Variants in BABAM2 observed in about 807,000 individuals in gnomAD.
The protein encoded by BABAM2 is BRISC and BRCA1 A complex member 2.
Under a neutral mutation model 54.7 loss-of-function variants are expected in BABAM2, and 31 were observed. The observed-to-expected ratio is 0.57, with a 90% CI of 0.43 to 0.77. The LOEUF (loss-of-function observed/expected upper bound fraction) is 0.77. Among genes scored for constraint, BABAM2 ranks in the 30% least tolerant of loss-of-function variants. The pLI is 0.00. For synonymous variants in BABAM2, 167 were observed against 162.9 expected, an observed-to-expected ratio of 1.03 and a Z score of -0.19; for missense variants, 364 against 455.8, an observed-to-expected ratio of 0.80 and a Z score of 1.83.
chr2:28,218,306 A>G (rs1172292777), intron 7 of BABAM2, among the ~76,000 whole-genome samples: 2 of 152,206 alleles, frequency 1.3e-5, no homozygotes, highest in African/African-American at 4.8e-5. Flanking sequence ...TCCACAGTCC[A>G]TATTCTAATT....
chr2:28,114,717 C>CA (rs1457918652), intron 6 of BABAM2, among the ~76,000 whole-genome samples: 1 of 152,100 alleles, frequency 6.6e-6, no homozygotes, highest in Non-Finnish European at 1.5e-5. Flanking sequence ...TTAGACATGG[C>CA]AAAAAGATTG....
chr2:28,100,461 CCAAAAAAAAAA>C (rs1214079638), intron 6 of BABAM2, among the ~76,000 whole-genome samples: 1 of 43,876 alleles, frequency 2.3e-5, no homozygotes, highest in Non-Finnish European at 5.1e-5. Context: ...GACTCTGTCT[CCAAAAAAAAAA>C]AAAAAAAAAA....
chr2:28,229,298 G>A (rs570914952), intron 7 of BABAM2, among the ~76,000 whole-genome samples: 5 of 152,304 alleles, frequency 3.3e-5, no homozygotes, highest in African/African-American at 1.2e-4. Context: ...ACCTTAGAGA[G>A]GTTCTATAGC....
At chr2:27,986,723 A>ACATTTTATCTAT (rs1672422974) in intron 3 of BABAM2, among the ~76,000 whole-genome samples, 1 of 152,346 alleles carries the variant, frequency 6.6e-6, no homozygotes, top group East Asian at 1.9e-4. Context: ...ACATTTGGAT[A>ACATTTTATCTAT]AAATTTTATA....
intron 4 of BABAM2, among the ~76,000 whole-genome samples, chr2:28,024,132 C>T (rs1341359406): frequency 1.3e-5 from 2 of 152,126 alleles, no homozygotes; most frequent in South Asian, 2.1e-4. Flanking sequence ...TGGCCGGGCA[C>T]GGTGGCTCAC....
intron 6 of BABAM2, among the ~76,000 whole-genome samples, chr2:28,125,316 C>CA (rs1669419815): frequency 6.6e-6 from 1 of 151,648 alleles, no homozygotes; most frequent in East Asian, 1.9e-4. Flanking sequence ...TTTTTTGAGA[C>CA]AGAGTCTCAC....
intron 7 of BABAM2, among the ~76,000 whole-genome samples, chr2:28,155,430 G>T (rs1042537297): frequency 1.3e-5 from 2 of 152,148 alleles, no homozygotes; most frequent in African/African-American, 4.8e-5. Flanking sequence ...TTGATCGATA[G>T]AGAGGGGTCA....
At chr2:28,197,295 C>A (rs1188185992) in intron 7 of BABAM2, among the ~76,000 whole-genome samples, 1 of 152,152 alleles carries the variant, frequency 6.6e-6, no homozygotes, top group African/African-American at 2.4e-5. Flanking sequence ...ATATCCTGAC[C>A]AATTTCTCTA....
intron 6 of BABAM2, among the ~76,000 whole-genome samples, chr2:28,108,609 A>G (rs1667729631): frequency 6.6e-6 from 1 of 152,212 alleles, no homozygotes; most frequent in South Asian, 2.1e-4. Flanking sequence ...CACCTACTCA[A>G]TAGTTATGCT....
At chr2:28,041,523 C>A (rs1412058393) in intron 5 of BABAM2, among the ~76,000 whole-genome samples, 1 of 152,204 alleles carries the variant, frequency 6.6e-6, no homozygotes, top group East Asian at 1.9e-4. Context: ...GATTGTTGCA[C>A]ATCCTCCAGG....
intron 11 of BABAM2, chr2:28,310,399 C>T: frequency 6.9e-6 from 3 of 432,108 alleles, no homozygotes; most frequent in Non-Finnish European, 1.3e-5. Flanking sequence ...CCCCTCAGGC[C>T]ATCTCTCCCC....
intron 2 of BABAM2, among the ~76,000 whole-genome samples, chr2:27,900,293 A>G (rs1303431651): frequency 6.6e-6 from 1 of 152,214 alleles, no homozygotes; most frequent in African/African-American, 2.4e-5. Flanking sequence ...CCTTGAAGAG[A>G]TAAGGTCTAA....
chr2:28,029,625 A>C (rs993376560), intron 5 of BABAM2, among the ~76,000 whole-genome samples: 3 of 152,154 alleles, frequency 2.0e-5, no homozygotes, highest in African/African-American at 7.2e-5. Context: ...GGTTGCTTCT[A>C]CCTCTTGGCT....
chr2:28,026,843 A>AATATATATTTATATATATATAG (rs1553414445), intron 5 of BABAM2, among the ~76,000 whole-genome samples: 507 of 40,632 alleles, frequency 0.012, 28 homozygotes, highest in African/African-American at 0.05. Flanking sequence ...AATATATATA[A>AATATATATTTATATATATATAG]ATATATATTT....
At chr2:28,227,839 C>T (rs1177642520) in intron 7 of BABAM2, among the ~76,000 whole-genome samples, 1 of 152,222 alleles carries the variant, frequency 6.6e-6, no homozygotes, top group African/African-American at 2.4e-5. Context: ...CCAGGTCTCA[C>T]CTCCGACCTG....
At chr2:28,230,591 G>A (rs2148038541) in intron 7 of BABAM2, among the ~76,000 whole-genome samples, 1 of 151,754 alleles carries the variant, frequency 6.6e-6, no homozygotes, top group South Asian at 2.1e-4. Context: ...AGGCATGTTG[G>A]TGCACATCTG....
chr2:28,316,009 T>C (rs1046852725), intron 11 of BABAM2, among the ~76,000 whole-genome samples: 6 of 152,130 alleles, frequency 3.9e-5, no homozygotes, highest in Non-Finnish European at 8.8e-5. Flanking sequence ...GAGACCCCAC[T>C]CTGGATCTTC....
intron 3 of BABAM2, among the ~76,000 whole-genome samples, chr2:27,952,789 G>A (rs986720522): frequency 2.0e-5 from 3 of 152,104 alleles, no homozygotes; most frequent in African/African-American, 7.2e-5. Context: ...TGCTTCAGGG[G>A]AAACAATTGT....
At chr2:28,275,863 G>A (rs929553269) in intron 10 of BABAM2, among the ~76,000 whole-genome samples, 1 of 151,996 alleles carries the variant, frequency 6.6e-6, no homozygotes, top group Non-Finnish European at 1.5e-5. Context: ...ATTTTCATGC[G>A]CTGTTAGAAA....
Sources: gnomAD v4.1 joint callset for allele counts (sites outside exome capture counted in the v4.1 genomes callset) on GRCh38, gnomAD v4.1.1 for gene constraint, MANE v1.5 for transcripts, NCBI Gene and HGNC (gene_info 2026-07-23, HGNC 2026-07-21) for gene names.